The following DPP10 variants were observed in gnomAD, a reference collection of about 807,000 sequenced individuals.
The protein encoded by DPP10 is dipeptidyl peptidase like 10, also known as inactive dipeptidyl peptidase 10.
DPP10 carries 33 observed loss-of-function variants against 120.9 expected under a neutral mutation model. The ratio of observed to expected loss-of-function variants is 0.27; its 90% CI spans 0.21 to 0.37. The LOEUF (loss-of-function observed/expected upper bound fraction) is 0.37, where lower values mean the gene tolerates loss of function less well. Among genes scored for constraint, DPP10 ranks in the 10% least tolerant of loss-of-function variants. The probability of loss-of-function intolerance (pLI) is 1.00; values close to 1 mark genes in which losing one functional copy is unlikely to be tolerated. For missense variants in DPP10, 816 were observed against 942.8 expected, an observed-to-expected ratio of 0.87 and a Z score of 1.76; for synonymous variants, 337 against 326.1, an observed-to-expected ratio of 1.03 and a Z score of -0.36.
Position 115,626,049 on chromosome 2 carries a change from A to C in DPP10, c.442-63638A>C, listed in dbSNP as rs549844561. ...TTCCTGGCCAAAAAGAAAAAAAAAA[A>C]CAAAAAACAGAAGTATAAACAGAAA... On this transcript the variant is annotated intron_variant, in intron 5 of 25. Transcript: ENST00000410059. 3.3e-5 allele frequency among the ~76,000 whole-genome samples: 5 copies of C among 151,544 alleles called. No individual in the cohort carries two copies. The South Asian group carries it at 8.3e-4, about 25-fold the overall frequency.
At chr2:114,748,909 G>A in intron 1 of DPP10, among the ~76,000 whole-genome samples, 1 of 117,872 alleles carries the variant, frequency 8.5e-6, no homozygotes, top group Non-Finnish European at 1.7e-5. Context: ...AGTCATTTGG[G>A]TATATACCCA....
At chr2:114,966,599 A>G (rs750517737) in intron 1 of DPP10, among the ~76,000 whole-genome samples, 3 of 152,184 alleles carry the variant, frequency 2.0e-5, no homozygotes, top group Non-Finnish European at 4.4e-5. Flanking sequence ...TCTTTTCTTC[A>G]CAGACAGCCC....
chr2:114,610,925 A>G (rs1226272868), intron 1 of DPP10, among the ~76,000 whole-genome samples: 1 of 151,126 alleles, frequency 6.6e-6, no homozygotes, highest in Non-Finnish European at 1.5e-5. Context: ...TCTCCCACGC[A>G]CCCAGGCTGT....
chr2:114,455,144 A>G, intron 1 of DPP10, among the ~76,000 whole-genome samples: 1 of 133,446 alleles, frequency 7.5e-6, no homozygotes. Context: ...TTTTCAAGGG[A>G]TTTTCTTTCT....
intron 3 of DPP10, among the ~76,000 whole-genome samples, chr2:115,494,352 T>A (rs2076283868): frequency 6.6e-6 from 1 of 152,172 alleles, no homozygotes; most frequent in African/African-American, 2.4e-5. Flanking sequence ...AGGAGAAAGT[T>A]CATCTCTTCC....
At chr2:114,530,955 C>T (rs948874855) in intron 1 of DPP10, among the ~76,000 whole-genome samples, 1 of 151,460 alleles carries the variant, frequency 6.6e-6, no homozygotes, top group African/African-American at 2.4e-5. Flanking sequence ...TTACTCATGT[C>T]AATTAACAGA....
intron 1 of DPP10, among the ~76,000 whole-genome samples, chr2:114,644,868 G>A (rs1695999668): frequency 1.3e-5 from 2 of 151,856 alleles, no homozygotes; most frequent in Admixed American, 1.3e-4. Flanking sequence ...GATCGAGTGG[G>A]TAAAAAAAGA....
intron 3 of DPP10, among the ~76,000 whole-genome samples, chr2:115,393,532 T>C (rs975522508): frequency 2.0e-5 from 3 of 152,116 alleles, no homozygotes; most frequent in Non-Finnish European, 2.9e-5. Context: ...CAGTTGCTCT[T>C]AGAAGTTCCA....
chr2:115,815,625 T>C lies in DPP10; in HGVS notation c.1896-50T>C, dbSNP rs17045072. On this transcript the variant is annotated intron_variant, in intron 20 of 25. Transcript: ENST00000410059. Reference sequence around the variant, plus strand: ...ATGCATGCCAACTATATATTTATATTTGCATTTAACTCACAAAGATATAAC... The same window carrying C: ...ATGCATGCCAACTATATATTTATATCTGCATTTAACTCACAAAGATATAAC... 2.5e-3 allele frequency: 3,787 copies of C among 1,489,138 alleles called. 75 individuals carry two copies. The African/African-American group carries it at 0.042, about 16-fold the overall frequency. 92.2% of individuals were successfully genotyped at this position (1,489,138 alleles called of 1,614,324 possible).
chr2:114,949,448 A>G (rs1252290877), intron 1 of DPP10, among the ~76,000 whole-genome samples: 19 of 152,242 alleles, frequency 1.2e-4, no homozygotes, highest in Non-Finnish European at 2.4e-4. Context: ...TTTCTACCCC[A>G]GCTATTATTA....
chr2:115,241,047 G>T lies in DPP10; in HGVS notation c.61-68192G>T, dbSNP rs2058250463. Among the ~76,000 whole-genome samples, 3 of 152,282 alleles carry T rather than the reference G, an allele frequency of 2.0e-5. No homozygotes were observed. The South Asian group carries it at 6.2e-4, about 32-fold the overall frequency. The stretch of plus-strand genomic sequence containing the variant: ...GCACTTTGGGAGTCCAAGGCAGGCA[G>T]ATCACGAGGTCAGGAGTTCGAGACC... On this transcript the variant is annotated intron_variant, in intron 1 of 25. Coordinates refer to ENST00000410059, the MANE Select transcript of DPP10 (RefSeq NM_020868.6).
At position 114,669,434 on chromosome 2, in the gene DPP10, C is replaced by A. The variant is rs546448725; in HGVS notation, c.60+226596C>A. Among the ~76,000 whole-genome samples the A allele has an allele frequency of 1.4e-4, 22 of 152,112 alleles. No individual in the cohort carries two copies. In the South Asian group the frequency reaches 3.5e-3, roughly 24 times the overall value. ...ATTAAGCTGTTGCACTTAATGGGGCCTTTGGTACTGTGGATGGGGAAGACT... is the reference window on the plus strand; with the variant it reads ...ATTAAGCTGTTGCACTTAATGGGGCATTTGGTACTGTGGATGGGGAAGACT... On this transcript the variant is annotated intron_variant, in intron 1 of 25. Transcript: ENST00000410059.
intron 1 of DPP10, among the ~76,000 whole-genome samples, chr2:115,123,731 A>T (rs1242497240): frequency 6.6e-6 from 1 of 152,028 alleles, no homozygotes; most frequent in African/African-American, 2.4e-5. Flanking sequence ...GTTGCCTAAC[A>T]TTCCTGGGGC....
At chr2:115,717,609 T>C (rs2149597077) in intron 7 of DPP10, among the ~76,000 whole-genome samples, 1 of 152,124 alleles carries the variant, frequency 6.6e-6, no homozygotes, top group South Asian at 2.1e-4. Flanking sequence ...AAAAAAAATA[T>C]ATATGTATGT....
intron 2 of DPP10, among the ~76,000 whole-genome samples, chr2:115,331,915 G>C (rs1406507019): frequency 1.3e-5 from 2 of 152,064 alleles, no homozygotes; most frequent in Non-Finnish European, 2.9e-5. Context: ...CCAGGCTTTG[G>C]TATCAGGATG....
At chr2:115,773,682 G>T (rs1681746371) in intron 13 of DPP10, among the ~76,000 whole-genome samples, 1 of 152,010 alleles carries the variant, frequency 6.6e-6, no homozygotes, top group African/African-American at 2.4e-5. Context: ...TTCCTGCTTT[G>T]TTAAGTGATC....
intron 5 of DPP10, 44 bp downstream of exon 5, chr2:115,526,016 A>G (rs2078114924): frequency 6.6e-7 from 1 of 1,511,180 alleles, no homozygotes; most frequent in Admixed American, 1.9e-5. Context: ...TTTGTGATGC[A>G]TTGGGGTGAC....
intron 13 of DPP10, 101 bp downstream of exon 13, chr2:115,768,505 C>G: frequency 1.0e-6 from 1 of 968,362 alleles, no homozygotes; most frequent in Non-Finnish European, 1.6e-6. Context: ...GGTGGTGAAA[C>G]CCAGCCATAT....
At chr2:114,833,904 A>G (rs965673402) in intron 1 of DPP10, 4 of 152,078 alleles carry the variant, frequency 2.6e-5, no homozygotes, top group African/African-American at 7.3e-5. Flanking sequence ...TGGATGACAC[A>G]TGGTGGTGCT....
Sources: allele counts gnomAD v4.1 joint callset (sites outside exome capture counted in the v4.1 genomes callset), GRCh38; gene constraint gnomAD v4.1.1; transcripts MANE v1.5; gene names NCBI Gene and HGNC (gene_info 2026-07-23, HGNC 2026-07-21).